ZEB1: variants seen among roughly 807,000 people sequenced by gnomAD.
ZEB1 encodes zinc finger E-box binding homeobox 1, also known as zinc finger E-box-binding homeobox 1.
In ZEB1, 21 loss-of-function variants were observed where a neutral mutation model predicts 84.9. The observed-to-expected ratio is 0.25, with a 90% CI of 0.18 to 0.36. The LOEUF (loss-of-function observed/expected upper bound fraction) is 0.36. ZEB1 is among the 10% of genes least tolerant of loss of function. The pLI, the probability that ZEB1 is intolerant of heterozygous loss-of-function variation, is 1.00. For synonymous variants in ZEB1, 420 were observed against 471.1 expected (o/e 0.89, Z 1.41); for missense variants, 1,104 against 1,330.2 (o/e 0.83, Z 2.65).
intron 1 of ZEB1, among the ~76,000 whole-genome samples, chr10:31,442,762 T>C (rs1427281121): frequency 6.6e-6 from 1 of 152,110 alleles, no homozygotes; most frequent in East Asian, 1.9e-4. Context: ...GAGAAGAGAT[T>C]GTTTTGAAAA....
At chr10:31,420,280 G>A (rs955309808) in intron 1 of ZEB1, among the ~76,000 whole-genome samples, 1 of 152,084 alleles carries the variant, frequency 6.6e-6, no homozygotes, top group African/African-American at 2.4e-5. Context: ...GCTTCCATGG[G>A]TCAGGAGTCC....
intron 5 of ZEB1, among the ~76,000 whole-genome samples, chr10:31,511,900 A>G (rs1330430351): frequency 4.6e-5 from 7 of 152,212 alleles, no homozygotes; most frequent in Non-Finnish European, 1.0e-4. Flanking sequence ...AACAGTACTC[A>G]TGAAATAACA....
At chr10:31,419,670 A>G (rs544692577) in intron 1 of ZEB1, among the ~76,000 whole-genome samples, 1 of 152,174 alleles carries the variant, frequency 6.6e-6, no homozygotes, top group Non-Finnish European at 1.5e-5. Flanking sequence ...TTGAGGAATC[A>G]TGAAGTGTTG....
chr10:31,442,751 A>C (rs550259087), intron 1 of ZEB1, among the ~76,000 whole-genome samples: 9 of 152,304 alleles, frequency 5.9e-5, no homozygotes, highest in Admixed American at 5.9e-4. Flanking sequence ...GATAGAGTCA[A>C]GAGAAGAGAT....
At chr10:31,387,074 C>A in intron 1 of ZEB1, 1 of 984,448 alleles carries the variant, frequency 1.0e-6, no homozygotes, top group Non-Finnish European at 1.2e-6. Flanking sequence ...TAAGCTTGAT[C>A]AAAATAGTTT....
At chr10:31,483,824 C>G (rs1023183960) in intron 2 of ZEB1, among the ~76,000 whole-genome samples, 1 of 152,012 alleles carries the variant, frequency 6.6e-6, no homozygotes, top group Non-Finnish European at 1.5e-5. Context: ...ACGATTTAAA[C>G]AACACAAATT....
chr10:31,480,167 C>T (rs144668250), intron 2 of ZEB1, among the ~76,000 whole-genome samples: 6 of 152,050 alleles, frequency 3.9e-5, no homozygotes, highest in East Asian at 1.9e-4. Flanking sequence ...AAGTTAACAG[C>T]GATTTAAAAA....
chr10:31,415,689 TA>T (rs1418692433), intron 1 of ZEB1, among the ~76,000 whole-genome samples: 1 of 152,106 alleles, frequency 6.6e-6, no homozygotes, highest in Non-Finnish European at 1.5e-5. Flanking sequence ...TAAATATATA[TA>T]AAGGGAAAAC....
At chr10:31,421,015 C>A (rs1348027360) in intron 1 of ZEB1, among the ~76,000 whole-genome samples, 1 of 152,134 alleles carries the variant, frequency 6.6e-6, no homozygotes, top group Non-Finnish European at 1.5e-5. Flanking sequence ...TAAGAGCAGG[C>A]ACTTTTTTCT....
rs573642147 is a variant in ZEB1 at position 31,426,830 on chromosome 10, G to A, written c.59-34207G>A. ...TTCTTGTTTCCATAGTCATGCTTTG[G>A]ATGGTACTCCCATTGATCTGGATCA... On this transcript the variant is annotated intron_variant, in intron 1 of 8. Coordinates refer to ENST00000424869, the MANE Select transcript of ZEB1 (RefSeq NM_001174096.2). 7.2e-5 allele frequency among the ~76,000 whole-genome samples: 11 copies of A among 152,248 alleles called. No individual in the cohort carries two copies. The South Asian group carries it at 2.3e-3, about 32-fold the overall frequency.
chr10:31,379,459 A>ATATATATATATATG (rs1206572366), intron 1 of ZEB1, among the ~76,000 whole-genome samples: 1 of 151,682 alleles, frequency 6.6e-6, no homozygotes, highest in African/African-American at 2.4e-5. Context: ...GTATATATAT[A>ATATATATATATATG]TACATATATA....
chr10:31,424,718 T>G (rs2056701094), intron 1 of ZEB1, among the ~76,000 whole-genome samples: 1 of 152,026 alleles, frequency 6.6e-6, no homozygotes. Context: ...ACATTTATGC[T>G]GCTCAGATGT....
intron 2 of ZEB1, among the ~76,000 whole-genome samples, chr10:31,483,562 A>G (rs773319307): frequency 2.0e-5 from 3 of 152,054 alleles, no homozygotes; most frequent in African/African-American, 7.2e-5. Flanking sequence ...ACCATATCAT[A>G]TATTCTTTTT....
At chr10:31,409,527 G>GT (rs980737754) in intron 1 of ZEB1, among the ~76,000 whole-genome samples, 18 of 152,110 alleles carry the variant, frequency 1.2e-4, no homozygotes, top group Non-Finnish European at 2.5e-4. Flanking sequence ...GTTTAAAGTG[G>GT]TTTTTTCTAA....
At chr10:31,484,545 A>G (rs543876963) in intron 2 of ZEB1, among the ~76,000 whole-genome samples, 12 of 151,992 alleles carry the variant, frequency 7.9e-5, no homozygotes, top group Non-Finnish European at 1.5e-4. Context: ...TGTAATTTCA[A>G]CCAGGCGGTC....
At chr10:31,374,993 CTTTATATCTT>C (rs989646522) in intron 1 of ZEB1, 1 of 144,916 alleles carries the variant, frequency 6.9e-6, no homozygotes, top group African/African-American at 2.5e-5. Flanking sequence ...ATCAAGTCAA[CTTTATATCTT>C]TTTATCTTTT....
At chr10:31,321,783 C>T in intron 1 of ZEB1, 1 of 532,850 alleles carries the variant, frequency 1.9e-6, no homozygotes, top group Admixed American at 3.2e-5. Context: ...AAAAGCGATC[C>T]TGAAAGATAC....
At chr10:31,338,992 A>G (rs1237918812) in intron 1 of ZEB1, among the ~76,000 whole-genome samples, 2 of 152,176 alleles carry the variant, frequency 1.3e-5, no homozygotes, top group Admixed American at 6.5e-5. Context: ...GTCAACAGGG[A>G]AAATTCTAAG....
intron 1 of ZEB1, among the ~76,000 whole-genome samples, chr10:31,352,007 GC>G (rs1473590663): frequency 6.6e-6 from 1 of 151,944 alleles, no homozygotes; most frequent in African/African-American, 2.4e-5. Flanking sequence ...TCTTTATATA[GC>G]CCATAATCAT....
Sources: gnomAD v4.1 joint callset for allele counts (sites outside exome capture counted in the v4.1 genomes callset) on GRCh38, gnomAD v4.1.1 for gene constraint, MANE v1.5 for transcripts, NCBI Gene and HGNC (gene_info 2026-07-23, HGNC 2026-07-21) for gene names.